The following FRK variants were observed in gnomAD, a reference collection of about 807,000 sequenced individuals.
FRK encodes the protein tyrosine-protein kinase FRK.
FRK carries 51 observed loss-of-function variants against 56.4 expected under a neutral mutation model. The ratio of observed to expected loss-of-function variants is 0.90; its 90% CI spans 0.72 to 1.14. The LOEUF is 1.14. FRK is among the 50% of genes most tolerant of loss of function. The probability of loss-of-function intolerance (pLI) is 0.00; values close to 1 mark genes in which losing one functional copy is unlikely to be tolerated. For synonymous variants in FRK, 245 were observed against 217.9 expected (o/e 1.12, Z -1.10); for missense variants, 570 against 601.4 (o/e 0.95, Z 0.55).
chr6:116,040,551 A>G (rs999499178), intron 1 of FRK, among the ~76,000 whole-genome samples: 3 of 152,144 alleles, frequency 2.0e-5, no homozygotes, highest in East Asian at 1.9e-4. Flanking sequence ...TTTTCACCCA[A>G]TATTATGCTA....
chr6:115,967,580 G>A lies in FRK; in HGVS notation c.770C>T (p.Thr257Ile). The A allele has an allele frequency of 6.2e-7, 1 of 1,613,590 alleles. No homozygotes were observed. Among genetic ancestry groups the A allele is most frequent in the Non-Finnish European group, 8.5e-7 (1 of 1,179,728 alleles). The part of the protein sequence containing the change: ...EVWEGLWNNT[T>I]PVAVKTLKPG... The stretch of plus-strand genomic sequence containing the variant: ...TTTTAATGTTTTCACTGCTACTGGA[G>A]TGGTATTGTTCCACAGACCTTCCCA... The change falls in exon 4 of 8, where the codon ACT becomes ATT. Residue 257 changes from threonine (T) to isoleucine (I), a missense_variant. By Grantham distance (89) the Thr-to-Ile change is moderately conservative (BLOSUM62 -1). Coordinates refer to ENST00000606080, the MANE Select transcript of FRK (RefSeq NM_002031.3).
chr6:116,045,830 G>A (rs1415984137), intron 1 of FRK, among the ~76,000 whole-genome samples: 1 of 152,146 alleles, frequency 6.6e-6, no homozygotes, highest in African/African-American at 2.4e-5. Context: ...CACAGCAAAA[G>A]AAACTATCAT....
chr6:115,974,709 G>A (rs930656037), intron 2 of FRK, among the ~76,000 whole-genome samples: 1 of 152,046 alleles, frequency 6.6e-6, no homozygotes, highest in Non-Finnish European at 1.5e-5. Flanking sequence ...ATTCTGATCT[G>A]TTTGCGTAGT....
chr6:115,959,170 T>C (rs1400529838), intron 4 of FRK, among the ~76,000 whole-genome samples: 1 of 152,208 alleles, frequency 6.6e-6, no homozygotes, highest in Admixed American at 6.5e-5. Flanking sequence ...TATTGCGTAG[T>C]AGCCTGCTCA....
intron 2 of FRK, among the ~76,000 whole-genome samples, chr6:115,976,810 C>A (rs952612971): frequency 6.6e-6 from 1 of 151,948 alleles, no homozygotes; most frequent in African/African-American, 2.4e-5. Context: ...TCATTGTTCA[C>A]AAAGGATGAT....
chr6:115,959,693 C>G (rs523790), intron 4 of FRK, among the ~76,000 whole-genome samples: 52,923 of 151,956 alleles, frequency 0.35, 9,561 homozygotes, highest in African/African-American at 0.44. Flanking sequence ...TTATTAAGAA[C>G]TTGCTGCATA....
At chr6:116,083,441 T>C in the FRK span, among the ~76,000 whole-genome samples, 1 of 152,102 alleles carries the variant, frequency 6.6e-6, no homozygotes, top group East Asian at 1.9e-4. Flanking sequence ...TTAGCGGAAA[T>C]AAAAAATATC....
rs931687381 is a variant in FRK, at chr6:115,940,541, C to T, written c.*1873G>A. On this transcript the variant is annotated 3_prime_UTR_variant, in exon 8 of 8. Transcript: ENST00000606080. ...AGAAACTATCATCAGAGTGAACAGG[C>T]AACCTACAGAATGGGAGAAAATTTT... 1 of 152,048 alleles carries T rather than the reference C, an allele frequency of 6.6e-6. No homozygotes were observed. Among genetic ancestry groups the T allele is most frequent in the Non-Finnish European group, 1.5e-5 (1 of 68,002 alleles). The allele number at this position is 152,048 out of a possible 1,614,324, so 9.4% of individuals were successfully genotyped here.
intron 4 of FRK, among the ~76,000 whole-genome samples, chr6:115,959,327 T>C (rs1773231922): frequency 6.6e-6 from 1 of 152,178 alleles, no homozygotes; most frequent in Non-Finnish European, 1.5e-5. Flanking sequence ...TTTTTTAACA[T>C]GAGAAATCTG....
chr6:115,998,473 A>G (rs1412446251), intron 2 of FRK, among the ~76,000 whole-genome samples: 4 of 151,994 alleles, frequency 2.6e-5, no homozygotes, highest in African/African-American at 9.7e-5. Flanking sequence ...GCACCCACAC[A>G]CCTGCACTAT....
At chr6:116,067,399 A>T in the FRK span, among the ~76,000 whole-genome samples, 2 of 151,784 alleles carry the variant, frequency 1.3e-5, no homozygotes, top group African/African-American at 4.8e-5. Flanking sequence ...TTATTTATTT[A>T]TTTATTTTTT....
intron 2 of FRK, among the ~76,000 whole-genome samples, chr6:115,978,040 T>C (rs758216658): frequency 1.3e-5 from 2 of 152,182 alleles, no homozygotes; most frequent in Non-Finnish European, 2.9e-5. Context: ...CAGCATCTCA[T>C]ATTGCAGAGA....
chr6:115,966,746 C>A (rs746227492), intron 4 of FRK, among the ~76,000 whole-genome samples: 11 of 152,108 alleles, frequency 7.2e-5, no homozygotes, highest in Non-Finnish European at 1.2e-4. Context: ...GAGCGTGAGG[C>A]AATAGTAATA....
chr6:116,013,458 G>T (rs1053453834), intron 1 of FRK, among the ~76,000 whole-genome samples: 3 of 152,066 alleles, frequency 2.0e-5, no homozygotes, highest in Non-Finnish European at 4.4e-5. Flanking sequence ...AAATTTTAAT[G>T]CATCTGCTTT....
upstream of FRK, among the ~76,000 whole-genome samples, chr6:116,064,263 G>T (rs566679013): frequency 1.3e-5 from 2 of 152,218 alleles, no homozygotes; most frequent in African/African-American, 4.8e-5. Context: ...TAGATGAAAG[G>T]CCTCTATGCA....
chr6:116,082,262 C>T, the FRK span, among the ~76,000 whole-genome samples: 1 of 152,138 alleles, frequency 6.6e-6, no homozygotes, highest in Non-Finnish European at 1.5e-5. Flanking sequence ...CACCTTGTTG[C>T]ACCATGATGA....
At chr6:116,062,462 GAAA>G (rs550646718), upstream of FRK, among the ~76,000 whole-genome samples, 2 of 119,218 alleles carry the variant, frequency 1.7e-5, no homozygotes, top group Admixed American at 8.5e-5. Context: ...ATCTAAAAAT[GAAA>G]AAAAAAAAAA....
At chr6:116,017,068 T>C (rs1775685244) in intron 1 of FRK, among the ~76,000 whole-genome samples, 1 of 152,170 alleles carries the variant, frequency 6.6e-6, no homozygotes, top group African/African-American at 2.4e-5. Flanking sequence ...TGCTCCTGCT[T>C]AGAATTACAG....
At chr6:116,048,580 C>T (rs1777065618) in intron 1 of FRK, among the ~76,000 whole-genome samples, 1 of 152,024 alleles carries the variant, frequency 6.6e-6, no homozygotes, top group Non-Finnish European at 1.5e-5. Flanking sequence ...GAGATGGAGT[C>T]TCGCCATGTT....
Sources: allele counts gnomAD v4.1 joint callset (sites outside exome capture counted in the v4.1 genomes callset), GRCh38; gene constraint gnomAD v4.1.1; transcripts MANE v1.5; gene names NCBI Gene and HGNC (gene_info 2026-07-23, HGNC 2026-07-21).